ENTPD5: variants seen among roughly 807,000 people sequenced by gnomAD.
ENTPD5 encodes the protein nucleoside diphosphate phosphatase ENTPD5.
A neutral mutation model predicts 60.2 loss-of-function variants in ENTPD5; 49 were observed. The observed-to-expected ratio is 0.81, with a 90% CI of 0.65 to 1.03. The LOEUF (loss-of-function observed/expected upper bound fraction) is 1.03. Among genes scored for constraint, ENTPD5 ranks in the 50% least tolerant of loss-of-function variants. The probability of loss-of-function intolerance (pLI) is 0.00; values close to 1 mark genes in which losing one functional copy is unlikely to be tolerated. For missense variants in ENTPD5, 480 were observed against 507.6 expected (o/e 0.95, Z 0.52); for synonymous variants, 187 against 185.4 (o/e 1.01, Z -0.07).
At chr14:73,999,351 G>A (rs1035110951) in intron 3 of ENTPD5, among the ~76,000 whole-genome samples, 1 of 151,900 alleles carries the variant, frequency 6.6e-6, no homozygotes, top group South Asian at 2.1e-4. Flanking sequence ...AGCCAGGTGT[G>A]GTGGCATGCG....
intron 14 of ENTPD5, among the ~76,000 whole-genome samples, chr14:73,971,092 AAAAG>A (rs1464620846): frequency 3.3e-5 from 5 of 152,130 alleles, no homozygotes; most frequent in Non-Finnish European, 7.4e-5. Flanking sequence ...TTCAATTTAA[AAAAG>A]AAAGCAAGAA....
chr14:73,959,300 G>T (rs1276378301), downstream of ENTPD5: 1 of 1,614,108 alleles, frequency 6.2e-7, no homozygotes, highest in Non-Finnish European at 8.5e-7. Context: ...CCTTTTTCTG[G>T]TTTCAAGGGA....
chr14:73,977,961 C>T (rs2057513444), intron 6 of ENTPD5, among the ~76,000 whole-genome samples: 1 of 152,068 alleles, frequency 6.6e-6, no homozygotes, highest in Non-Finnish European at 1.5e-5. Context: ...TAATACAGAC[C>T]ATTGATATGG....
At chr14:73,971,762 G>A in intron 14 of ENTPD5, 90 bp downstream of exon 14, 1 of 833,236 alleles carries the variant, frequency 1.2e-6, no homozygotes, top group East Asian at 2.4e-5. Flanking sequence ...GGCCTTCTGA[G>A]CTGACTGAGG....
At chr14:73,974,659 T>C (rs375040184) in intron 11 of ENTPD5, among the ~76,000 whole-genome samples, 1 of 152,240 alleles carries the variant, frequency 6.6e-6, no homozygotes, top group African/African-American at 2.4e-5. Context: ...CTGGGATTTC[T>C]GCAGACACTT....
At chr14:73,985,317 G>A (rs372063150) in intron 5 of ENTPD5, among the ~76,000 whole-genome samples, 134 of 152,208 alleles carry the variant, frequency 8.8e-4, no homozygotes, top group African/African-American at 2.9e-3. Context: ...GAATCACCAC[G>A]CTGTCTTCCA....
chr14:73,994,185 G>GTGCAT (rs1168590913), intron 3 of ENTPD5, among the ~76,000 whole-genome samples: 1 of 151,912 alleles, frequency 6.6e-6, no homozygotes, highest in Non-Finnish European at 1.5e-5. Flanking sequence ...GAGTGCAATG[G>GTGCAT]TGCAATCTTG....
intron 3 of ENTPD5, chr14:74,008,993 C>T (rs1252148290): frequency 1.3e-5 from 2 of 152,152 alleles, no homozygotes; most frequent in African/African-American, 2.4e-5. Flanking sequence ...TATCATTAGA[C>T]ACGTGTCAAA....
rs2056837209 is a variant in ENTPD5 at position 73,963,260 on chromosome 14, A to G, written c.*3668T>C. On this transcript the variant is annotated 3_prime_UTR_variant, in exon 16 of 16. Transcript: ENST00000334696. ...TTGAAAAGAGCTTTTTATTACTAAA[A>G]AACCCACAAGGTGCTGTCTCACTCA... 3.6e-6 allele frequency: 2 copies of G among 562,360 alleles called. No individual in the cohort carries two copies. Among genetic ancestry groups the G allele is most frequent in the Non-Finnish European group, 6.3e-6 (2 of 319,530 alleles). 34.8% of individuals were successfully genotyped at this position (562,360 alleles called of 1,614,324 possible).
chr14:73,955,611 CA>C (rs541998934), downstream of ENTPD5: 1,717 of 1,365,458 alleles, frequency 1.3e-3, 1 homozygote, highest in Non-Finnish European at 1.6e-3. Flanking sequence ...AGGAATCAGA[CA>C]AGGTTCACAT....
At chr14:73,979,569 T>C (rs1400673003) in intron 6 of ENTPD5, among the ~76,000 whole-genome samples, 2 of 151,806 alleles carry the variant, frequency 1.3e-5, no homozygotes, top group Non-Finnish European at 2.9e-5. Flanking sequence ...CCTCCCGGGT[T>C]CACACCATTC....
rs753088193 is a variant in ENTPD5 at position 73,988,116 on chromosome 14, T to TGGCCATTCTTTTCCCAAGAA, written c.-15_-14insTTCTTGGGAAAAGAATGGCC. ...AGAAGTGGCCATTCTTTTCCCAAGA[T>TGGCCATTCTTTTCCCAAGAA]GTGGCTGGGTGGAGGCTTTTGTTGC... is the stretch of plus-strand genomic sequence containing the variant. On this transcript the variant is annotated 5_prime_UTR_variant, in exon 4 of 16. In the 5' UTR this introduces an upstream ATG that the reference lacks. Coordinates refer to ENST00000334696, the MANE Select transcript of ENTPD5 (RefSeq NM_001249.5). The TGGCCATTCTTTTCCCAAGAA allele has an allele frequency of 4.4e-6, 7 of 1,599,132 alleles. No homozygotes were observed. The South Asian group carries it at 7.9e-5, about 18-fold the overall frequency.
At chr14:73,983,183 C>T in intron 5 of ENTPD5, 22 bp from the exon 6 acceptor site, 2 of 1,599,166 alleles carry the variant, frequency 1.3e-6, no homozygotes, top group Non-Finnish European at 1.7e-6. Context: ...ATAACCCGTT[C>T]ATCTGATGAA....
At position 73,973,952 on chromosome 14, in the gene ENTPD5, C is replaced by T. The variant is rs2057334163; in HGVS notation, c.811G>A (p.Ala271Thr). Reference protein sequence around the residue: ...EGTDGHTFRSACLPRWLEAEW... With the variant: ...EGTDGHTFRSTCLPRWLEAEW... ...GCTTCCAACCATCTCGGTAAACAGG[C>T]ACTCCGGAAAGTGTGCCCATCAGTC... is the stretch of plus-strand genomic sequence containing the variant. The change falls in exon 12 of 16, where the codon GCC (alanine) becomes ACC (threonine). Residue 271 changes from alanine (A) to threonine (T), a missense_variant. Physicochemically the swap from Ala to Thr is moderately conservative, Grantham distance 58. Transcript: ENST00000334696. The T allele has an allele frequency of 4.3e-6, 7 of 1,614,120 alleles. No individual in the cohort carries two copies. The highest frequency in any genetic ancestry group is 4.0e-5 in the African/African-American group (3 of 75,040).
At chr14:73,985,511 C>T (rs2057862156) in intron 5 of ENTPD5, among the ~76,000 whole-genome samples, 1 of 152,144 alleles carries the variant, frequency 6.6e-6, no homozygotes, top group African/African-American at 2.4e-5. Context: ...AGCATTTTTT[C>T]ATGTGTCCGT....
chr14:73,987,324 T>C (rs749091206), intron 4 of ENTPD5, among the ~76,000 whole-genome samples: 7 of 152,180 alleles, frequency 4.6e-5, no homozygotes, highest in Non-Finnish European at 8.8e-5. Context: ...ATTATAACTA[T>C]TCTTTTTGAA....
Position 74,017,116 on chromosome 14 carries a change from C to T in ENTPD5, c.-237-1186G>A, listed in dbSNP as rs191433274. Among the ~76,000 whole-genome samples the T allele has an allele frequency of 6.5e-3, 990 of 152,200 alleles. 7 individuals carry two copies. The highest frequency in any genetic ancestry group is 0.014 in the Middle Eastern group (4 of 292). ...GGCGGATCACCTGAGGTTGGAAGTT[C>T]GAGACTAGCCTGACCAAAATGGAGA... On this transcript the variant is annotated intron_variant, in intron 1 of 15. Transcript: ENST00000334696.
chr14:73,990,369 C>CT (rs1334992121), intron 3 of ENTPD5, among the ~76,000 whole-genome samples: 2 of 136,668 alleles, frequency 1.5e-5, no homozygotes, highest in Non-Finnish European at 3.4e-5. Context: ...GGGTCTCACT[C>CT]TGTCACCCCG....
At position 73,964,235 on chromosome 14, in the gene ENTPD5, G is replaced by C. The variant is rs984493677; in HGVS notation, c.*2693C>G. ...ATGACAATGATGTTAAACACCATCTGTCACGTACCAGGCCATGTCCTAAGT... is the reference window on the plus strand; with the variant it reads ...ATGACAATGATGTTAAACACCATCTCTCACGTACCAGGCCATGTCCTAAGT... On this transcript the variant is annotated 3_prime_UTR_variant, in exon 16 of 16. Transcript: ENST00000334696. 6.6e-6 allele frequency: 1 copy of C among 152,170 alleles called. No individual in the cohort carries two copies. The highest frequency in any genetic ancestry group is 2.4e-5 in the African/African-American group (1 of 41,426). 9.4% of individuals were successfully genotyped at this position (152,170 alleles called of 1,614,324 possible).
Sources: allele counts gnomAD v4.1 joint callset (sites outside exome capture counted in the v4.1 genomes callset), GRCh38; gene constraint gnomAD v4.1.1; transcripts MANE v1.5; gene names NCBI Gene and HGNC (gene_info 2026-07-23, HGNC 2026-07-21).